NOTCH3: variants seen among roughly 807,000 people sequenced by gnomAD.
NOTCH3 encodes the protein notch receptor 3.
In NOTCH3, 86 loss-of-function variants were observed where a neutral mutation model predicts 213.3. The ratio of observed to expected loss-of-function variants is 0.40; its 90% CI spans 0.34 to 0.48. The LOEUF (loss-of-function observed/expected upper bound fraction) is 0.48. Among genes scored for constraint, NOTCH3 ranks in the 20% least tolerant of loss-of-function variants. NOTCH3 has a pLI of 0.57. For missense variants in NOTCH3, 2,783 were observed against 3,272.6 expected (o/e 0.85, Z 3.65); for synonymous variants, 1,354 against 1,355.9 (o/e 1.00, Z 0.03).
chr19:15,200,498 C>A (rs1422759282), intron 1 of NOTCH3, among the ~76,000 whole-genome samples: 1 of 151,844 alleles, frequency 6.6e-6, no homozygotes, highest in Non-Finnish European at 1.5e-5. Flanking sequence ...CTGTACGCAC[C>A]CCCCCACCTC....
At chr19:15,179,320 AGAC>A in intron 21 of NOTCH3, 38 bp from the exon 22 acceptor site, 1 of 1,611,244 alleles carries the variant, frequency 6.2e-7, no homozygotes, top group Non-Finnish European at 8.5e-7. Context: ...GAGGGAATGA[AGAC>A]AGCCTCTCAT....
chr19:15,171,195 T>G (rs2046731121), intron 25 of NOTCH3, among the ~76,000 whole-genome samples: 8 of 151,656 alleles, frequency 5.3e-5, no homozygotes, highest in Admixed American at 5.3e-4. Context: ...CCAGCTAATT[T>G]TTTTGTATTT....
intron 10 of NOTCH3, 151 bp from the exon 11 acceptor site, chr19:15,187,489 CACTT>C (rs2046893197): frequency 1.7e-6 from 1 of 591,748 alleles, no homozygotes; most frequent in African/African-American, 2.0e-5. Context: ...CCCCACCCCC[CACTT>C]ACTTCCACTC....
In NOTCH3 at chr19:15,160,744, G is replaced by A. The variant is rs1306777765; in HGVS notation, c.6884C>T (p.Ser2295Phe). 6.2e-7 allele frequency: 1 copy of A among 1,614,232 alleles called. No homozygotes were observed. The highest frequency in any genetic ancestry group is 8.5e-7 in the Non-Finnish European group (1 of 1,180,036). ...GALPAQPLPL[S>F]VPSSLAQAQT... Reference sequence around the variant, plus strand: ...GGCCTGAGCAAGGGAGCTGGGAACAGACAAGGGAAGTGGCTGGGCAGGCAG... The same window carrying A: ...GGCCTGAGCAAGGGAGCTGGGAACAAACAAGGGAAGTGGCTGGGCAGGCAG... The change falls in exon 33 of 33, where the codon TCT becomes TTT. Residue 2295 changes from serine to phenylalanine, a missense_variant. Physicochemically the swap from Ser to Phe is radical, Grantham distance 155 (BLOSUM62 -2). Coordinates refer to ENST00000263388, the MANE Select transcript of NOTCH3 (RefSeq NM_000435.3).
Position 15,171,401 on chromosome 19 carries a change from GCA to G in NOTCH3, c.4737-578_4737-577del, listed in dbSNP as rs577886539. Among the ~76,000 whole-genome samples, 25 of 152,230 alleles carry G rather than the reference GCA, an allele frequency of 1.6e-4. No homozygotes were observed. In the South Asian group the frequency reaches 5.2e-3, roughly 32 times the overall value. On this transcript the variant is annotated intron_variant, in intron 25 of 32. Transcript: ENST00000263388. ...GTTTCACTCTGTCGCCCAGGCTAGA[GCA>G]CAGTGGCGAAATCAGAGCTCACTGT...
intron 1 of NOTCH3, among the ~76,000 whole-genome samples, chr19:15,199,973 G>A (rs1005404885): frequency 3.7e-4 from 57 of 152,054 alleles, no homozygotes; most frequent in African/African-American, 9.1e-4. Context: ...AAGAAAGCGC[G>A]AGGCCGGCCG....
At chr19:15,188,148 G>T in intron 9 of NOTCH3, 87 bp downstream of exon 9, 2 of 1,094,824 alleles carry the variant, frequency 1.8e-6, no homozygotes, top group Non-Finnish European at 2.7e-6. Context: ...TAAGTTATCC[G>T]CTAACGTGGT....
intron 21 of NOTCH3, 21 bp from the exon 22 acceptor site, chr19:15,179,303 T>C (rs1568354974): frequency 6.2e-7 from 1 of 1,610,936 alleles, no homozygotes. Context: ...AAACGAGGGG[T>C]GGTCAAGAGG....
At chr19:15,178,761 G>T in intron 23 of NOTCH3, 62 bp downstream of exon 23, 1 of 1,173,890 alleles carries the variant, frequency 8.5e-7, no homozygotes, top group Non-Finnish European at 1.2e-6. Context: ...TAGACGCCAC[G>T]CCCCTACTAC....
chr19:15,170,484 A>G lies in NOTCH3; in HGVS notation c.4961T>C (p.Leu1654Pro). The G allele has an allele frequency of 6.2e-7, 1 of 1,606,198 alleles. No individual in the cohort carries two copies. The highest frequency in any genetic ancestry group is 8.5e-7 in the Non-Finnish European group (1 of 1,179,906). Reference protein sequence around the residue: ...LPLLVAGAVLLLVILVLGVMV... With the variant: ...LPLLVAGAVLPLVILVLGVMV... ...GACACCCAGGACGAGAATGACCAGCAGCAAGACAGCGCCCGCCACTAGCAG... is the reference window on the plus strand; with the variant it reads ...GACACCCAGGACGAGAATGACCAGCGGCAAGACAGCGCCCGCCACTAGCAG... Residue 1654 changes from leucine (L) to proline (P), a missense_variant, in exon 27 of 33, where the codon CTG becomes CCG. Physicochemically the swap from Leu to Pro is moderately conservative, Grantham distance 98. Around this residue, in one of 6 missense-constraint regions of NOTCH3, gnomAD observed 636 missense variants for 801.8 expected, o/e 0.79. Coordinates refer to ENST00000263388, the MANE Select transcript of NOTCH3 (RefSeq NM_000435.3).
Position 15,161,282 on chromosome 19 carries a change from C to A in NOTCH3, c.6346G>T (p.Ala2116Ser). ...TCAAGGGGGAAGCCACCAGGGGAAGCAGGGGGCCCACCGAAAGGCCGCGGG... is the reference window on the plus strand; with the variant it reads ...TCAAGGGGGAAGCCACCAGGGGAAGAAGGGGGCCCACCGAAAGGCCGCGGG... ...DSPRPFGGPPASPGGFPLEGP... is the reference protein window; with the variant it reads ...DSPRPFGGPPSSPGGFPLEGP... Residue 2116 changes from alanine to serine, a missense_variant, in exon 33 of 33, where the codon GCT becomes TCT. By Grantham distance (99) the Ala-to-Ser change is moderately conservative. Around this residue, in one of 6 missense-constraint regions of NOTCH3, gnomAD observed 441 missense variants for 432.1 expected, o/e 1.02. Coordinates refer to ENST00000263388, the MANE Select transcript of NOTCH3 (RefSeq NM_000435.3). The A allele has an allele frequency of 1.3e-6, 2 of 1,537,824 alleles. No individual in the cohort carries two copies. The highest frequency in any genetic ancestry group is 1.7e-6 in the Non-Finnish European group (2 of 1,144,700).
At chr19:15,186,363 TTTTG>T (rs969571696) in intron 12 of NOTCH3, among the ~76,000 whole-genome samples, 3 of 131,438 alleles carry the variant, frequency 2.3e-5, no homozygotes, top group Non-Finnish European at 3.2e-5. Context: ...AGAATAATCT[TTTTG>T]TTTGTTTTTG....
rs2046651157 is a variant in NOTCH3, at chr19:15,162,286, G to A, written c.5913+179C>T. The A allele has an allele frequency of 2.3e-5, 14 of 612,114 alleles. No homozygotes were observed. In the East Asian group the frequency reaches 4.0e-4, roughly 17 times the overall value. The allele number at this position is 612,114 out of a possible 1,614,324, so 37.9% of individuals were successfully genotyped here. A position where few individuals can be genotyped will look rare whatever the true frequency, so the allele number is the denominator to read the frequency against. On this transcript the variant is annotated intron_variant, in intron 32 of 32. Coordinates refer to ENST00000263388, the MANE Select transcript of NOTCH3 (RefSeq NM_000435.3). ...CATGAACCACCACACCCAGCCATTA[G>A]GCACAAAATTTAAGGGGCCCCCAAA...
intron 16 of NOTCH3, 43 bp downstream of exon 16, chr19:15,184,252 G>C: frequency 6.3e-7 from 1 of 1,591,348 alleles, no homozygotes; most frequent in South Asian, 1.1e-5. Flanking sequence ...CTTAATGACT[G>C]TGTTCCCCAG....
rs1250424083 is a variant in NOTCH3, at chr19:15,189,279, A to G, written c.1186T>C (p.Ser396Pro). The G allele has an allele frequency of 6.2e-7, 1 of 1,613,940 alleles. No individual in the cohort carries two copies. Among genetic ancestry groups the G allele is most frequent in the African/African-American group, 1.3e-5 (1 of 74,944 alleles). The part of the protein sequence containing the change: ...GACDQDVDEC[S>P]IGANPCEHLG... The stretch of plus-strand genomic sequence containing the variant: ...ACGATGGAGCTCCCCTCACCGATAG[A>G]GCACTCGTCCACATCCTGGTCACAT... The change falls in exon 7 of 33, where the codon TCT becomes CCT. Residue 396 changes from serine (S) to proline (P), a missense_variant. By Grantham distance (74) the Ser-to-Pro change is moderately conservative (BLOSUM62 -1). Transcript: ENST00000263388.
chr19:15,176,007 A>C (rs1568353189), intron 24 of NOTCH3, among the ~76,000 whole-genome samples: 1 of 151,726 alleles, frequency 6.6e-6, no homozygotes, highest in African/African-American at 2.4e-5. Flanking sequence ...GGACAGACAG[A>C]GAGAGGGGCA....
rs71333358 is a variant in NOTCH3 at position 15,193,770 on chromosome 19, C to CAA, written c.198-1253_198-1252dup. ...TGGTTGACAGAGGGAGACTCCATCT[C>CAA]AAAAAAAAACAAAAAACAAAAAAAA... On this transcript the variant is annotated intron_variant, in intron 2 of 32. Transcript: ENST00000263388. Among the ~76,000 whole-genome samples the CAA allele has an allele frequency of 2.7e-3, 73 of 27,500 alleles. 4 individuals are homozygous for CAA. The highest frequency in any genetic ancestry group is 4.7e-3 in the African/African-American group (25 of 5,290). 18.0% of individuals were successfully genotyped at this position (27,500 alleles called of 152,430 possible).
chr19:15,171,059 A>G (rs2046729756), intron 25 of NOTCH3, among the ~76,000 whole-genome samples: 3 of 151,988 alleles, frequency 2.0e-5, no homozygotes, highest in Admixed American at 6.6e-5. Context: ...TTATTTTTTG[A>G]TCTTGCACCG....
At chr19:15,162,383 GA>G (rs1204032851) in intron 32 of NOTCH3, 81 bp downstream of exon 32, 2 of 931,446 alleles carry the variant, frequency 2.1e-6, no homozygotes, top group Non-Finnish European at 3.5e-6. Context: ...TTTTTTGAGA[GA>G]GTCTCACTCT....
Sources: gnomAD v4.1 joint callset for allele counts (sites outside exome capture counted in the v4.1 genomes callset) on GRCh38, gnomAD v4.1.1 for gene constraint, gnomAD v4.1.1 regional missense constraint, MANE v1.5 for transcripts, NCBI Gene and HGNC (gene_info 2026-07-23, HGNC 2026-07-21) for gene names.